The following KCND2 variants were observed in gnomAD, a reference collection of about 807,000 sequenced individuals.
The protein encoded by KCND2 is potassium voltage-gated channel subfamily D member 2.
In KCND2, 16 loss-of-function variants were observed where a neutral mutation model predicts 54.4. The observed-to-expected ratio is 0.29, with a 90% CI of 0.20 to 0.45. KCND2 has a LOEUF of 0.45. Among genes scored for constraint, KCND2 ranks in the 20% least tolerant of loss-of-function variants. KCND2 has a pLI of 1.00. For missense variants in KCND2, 486 were observed against 824.2 expected, an observed-to-expected ratio of 0.59 and a Z score of 5.02; for synonymous variants, 317 against 310.7, an observed-to-expected ratio of 1.02 and a Z score of -0.21.
intron 1 of KCND2, among the ~76,000 whole-genome samples, chr7:120,414,544 T>C (rs559756489): frequency 3.9e-5 from 6 of 152,308 alleles, no homozygotes; most frequent in African/African-American, 1.4e-4. Flanking sequence ...TATCACATTT[T>C]GATCTTATCT....
At chr7:120,560,697 G>T (rs1792222339) in intron 1 of KCND2, among the ~76,000 whole-genome samples, 1 of 152,228 alleles carries the variant, frequency 6.6e-6, no homozygotes, top group East Asian at 1.9e-4. Flanking sequence ...GAAGCAGCAG[G>T]CAGGGAAACC....
chr7:120,739,142 T>C (rs2116167044), intron 2 of KCND2, among the ~76,000 whole-genome samples: 1 of 152,136 alleles, frequency 6.6e-6, no homozygotes, highest in African/African-American at 2.4e-5. Context: ...TTTATTTTGC[T>C]GGACTGTATT....
At chr7:120,724,179 GGTT>G (rs1459057166) in intron 1 of KCND2, among the ~76,000 whole-genome samples, 1 of 152,080 alleles carries the variant, frequency 6.6e-6, no homozygotes, top group Non-Finnish European at 1.5e-5. Flanking sequence ...GCTAGACCTG[GGTT>G]TATAACAATG....
chr7:120,605,805 G>A (rs1190913693), intron 1 of KCND2, among the ~76,000 whole-genome samples: 3 of 152,090 alleles, frequency 2.0e-5, no homozygotes, highest in Admixed American at 2.0e-4. Flanking sequence ...GATATTCATT[G>A]TCCTTATGAC....
At chr7:120,507,492 G>A (rs142160894) in intron 1 of KCND2, among the ~76,000 whole-genome samples, 163 of 152,066 alleles carry the variant, frequency 1.1e-3, no homozygotes, top group Non-Finnish European at 1.8e-3. Context: ...CAAATGGGAT[G>A]TAAGCAGAAG....
At chr7:120,289,801 G>A (rs1309166909) in intron 1 of KCND2, among the ~76,000 whole-genome samples, 1 of 152,030 alleles carries the variant, frequency 6.6e-6, no homozygotes, top group Non-Finnish European at 1.5e-5. Context: ...AAACAAAATG[G>A]CTTCCAACTT....
chr7:120,390,951 G>T (rs1485134201), intron 1 of KCND2, among the ~76,000 whole-genome samples: 1 of 151,940 alleles, frequency 6.6e-6, no homozygotes, highest in Non-Finnish European at 1.5e-5. Flanking sequence ...GCTGAATGGG[G>T]CAGGTTAGTT....
chr7:120,382,656 A>G (rs1439733076), intron 1 of KCND2, among the ~76,000 whole-genome samples: 3 of 151,826 alleles, frequency 2.0e-5, no homozygotes, highest in African/African-American at 7.2e-5. Context: ...TTTCTTGAGT[A>G]TATTTTCCTA....
chr7:120,556,208 C>A (rs558772923), intron 1 of KCND2, among the ~76,000 whole-genome samples: 2 of 152,234 alleles, frequency 1.3e-5, no homozygotes, highest in South Asian at 4.2e-4. Context: ...TCTCTCAATG[C>A]GTCCGAAATG....
At chr7:120,710,277 C>T (rs1405977268) in intron 1 of KCND2, among the ~76,000 whole-genome samples, 1 of 152,134 alleles carries the variant, frequency 6.6e-6, no homozygotes, top group East Asian at 1.9e-4. Flanking sequence ...ACACCAGGAA[C>T]AAGGAATTAT....
intron 1 of KCND2, among the ~76,000 whole-genome samples, chr7:120,589,645 G>A (rs1792645398): frequency 6.6e-6 from 1 of 152,098 alleles, no homozygotes; most frequent in African/African-American, 2.4e-5. Flanking sequence ...TGTCTTTTAT[G>A]AGTTCAATTT....
chr7:120,685,985 C>T (rs888337310), intron 1 of KCND2, among the ~76,000 whole-genome samples: 12 of 152,114 alleles, frequency 7.9e-5, no homozygotes, highest in Non-Finnish European at 1.3e-4. Context: ...TGAAGATCCT[C>T]CCCACTCCCC....
At chr7:120,605,623 A>G (rs908199484) in intron 1 of KCND2, among the ~76,000 whole-genome samples, 5 of 152,196 alleles carry the variant, frequency 3.3e-5, no homozygotes, top group African/African-American at 7.2e-5. Flanking sequence ...CTCAAGGTTT[A>G]ACTTTTTGAG....
chr7:120,686,067 A>G lies in KCND2; in HGVS notation c.1116-46836A>G, dbSNP rs541210459. Among the ~76,000 whole-genome samples, 47 of 152,310 alleles carry G rather than the reference A, an allele frequency of 3.1e-4. 1 individual carries two copies. The South Asian group carries it at 8.7e-3, about 28-fold the overall frequency. On this transcript the variant is annotated intron_variant, in intron 1 of 5. Transcript: ENST00000331113. ...CTGGCAAAGAAAGGCATTAATACTT[A>G]AGGGGTATACCTAAGGATATTTAAA...
intron 1 of KCND2, among the ~76,000 whole-genome samples, chr7:120,630,703 G>A (rs965693190): frequency 6.6e-6 from 1 of 152,056 alleles, no homozygotes; most frequent in African/African-American, 2.4e-5. Context: ...ACAGAATTGT[G>A]ATATCTCGCT....
chr7:120,357,339 G>A (rs1285772854), intron 1 of KCND2, among the ~76,000 whole-genome samples: 4 of 151,970 alleles, frequency 2.6e-5, no homozygotes, highest in Non-Finnish European at 5.9e-5. Context: ...TGACTCCCAA[G>A]TCAAAATTAT....
At chr7:120,469,789 G>A (rs946982424) in intron 1 of KCND2, among the ~76,000 whole-genome samples, 2 of 151,990 alleles carry the variant, frequency 1.3e-5, no homozygotes, top group Non-Finnish European at 2.9e-5. Flanking sequence ...AATCTGAAAC[G>A]AGTAGGCTAA....
intron 1 of KCND2, among the ~76,000 whole-genome samples, chr7:120,367,564 TAAA>T (rs1209549564): frequency 7.1e-6 from 1 of 141,662 alleles, no homozygotes; most frequent in Non-Finnish European, 1.5e-5. Context: ...AATCCATAGT[TAAA>T]AAAAAAAAAG....
At chr7:120,603,450 T>C (rs1250239161) in intron 1 of KCND2, among the ~76,000 whole-genome samples, 2 of 152,200 alleles carry the variant, frequency 1.3e-5, no homozygotes, top group Non-Finnish European at 2.9e-5. Flanking sequence ...TAAACAGAGA[T>C]GGCCTTGAGT....
Sources: allele counts gnomAD v4.1 joint callset (sites outside exome capture counted in the v4.1 genomes callset), GRCh38; gene constraint gnomAD v4.1.1; transcripts MANE v1.5; gene names NCBI Gene and HGNC (gene_info 2026-07-23, HGNC 2026-07-21).